PDE1A: variants seen among roughly 807,000 people sequenced by gnomAD.
The protein encoded by PDE1A is dual specificity calcium/calmodulin-dependent 3',5'-cyclic nucleotide phosphodiesterase 1A.
A neutral mutation model predicts 61.7 loss-of-function variants in PDE1A; 35 were observed. The ratio of observed to expected loss-of-function variants is 0.57; its 90% CI spans 0.43 to 0.75. The LOEUF (loss-of-function observed/expected upper bound fraction) is 0.75. Ranked by LOEUF, PDE1A falls within the 30% of genes least tolerant of loss-of-function variation. PDE1A has a pLI of 0.00. For synonymous variants in PDE1A, 232 were observed against 213.2 expected (o/e 1.09, Z -0.77); for missense variants, 597 against 630.6 (o/e 0.95, Z 0.57).
intron 1 of PDE1A, among the ~76,000 whole-genome samples, chr2:182,346,422 G>T (rs755260910): frequency 3.3e-4 from 50 of 152,150 alleles, no homozygotes; most frequent in Admixed American, 2.0e-3. Context: ...AGATCAGGGA[G>T]GGTAAGTTGG....
intron 2 of PDE1A, among the ~76,000 whole-genome samples, chr2:182,442,590 T>C (rs1559467639): frequency 6.6e-6 from 1 of 152,062 alleles, no homozygotes; most frequent in Non-Finnish European, 1.5e-5. Flanking sequence ...ATTCATATAA[T>C]AAACAATATT....
intron 1 of PDE1A, among the ~76,000 whole-genome samples, chr2:182,306,827 T>C (rs1695618831): frequency 6.6e-6 from 1 of 152,178 alleles, no homozygotes; most frequent in Non-Finnish European, 1.5e-5. Context: ...CTTAAATGTA[T>C]GACCCGAAAC....
chr2:182,243,534 G>A (rs1165307281), intron 2 of PDE1A, among the ~76,000 whole-genome samples: 4 of 152,140 alleles, frequency 2.6e-5, no homozygotes, highest in Non-Finnish European at 5.9e-5. Flanking sequence ...AGTGACCCAA[G>A]TTGGGAGGCA....
At chr2:182,509,056 T>C (rs1012965937) in intron 2 of PDE1A, among the ~76,000 whole-genome samples, 3 of 151,214 alleles carry the variant, frequency 2.0e-5, no homozygotes, top group Admixed American at 6.6e-5. Flanking sequence ...TGAGAATATG[T>C]GGTGTTAGAA....
chr2:182,695,249 G>A, the PDE1A span, among the ~76,000 whole-genome samples: 1 of 152,052 alleles, frequency 6.6e-6, no homozygotes, highest in Non-Finnish European at 1.5e-5. Context: ...ATTCATAAGA[G>A]AAGAGAGGTC....
chr2:182,225,981 T>C (rs562989714), intron 6 of PDE1A, among the ~76,000 whole-genome samples: 4 of 149,696 alleles, frequency 2.7e-5, no homozygotes, highest in Non-Finnish European at 5.9e-5. Flanking sequence ...TGAATTGGGA[T>C]TGAGCCTCCA....
intron 2 of PDE1A, among the ~76,000 whole-genome samples, chr2:182,496,669 A>G (rs1055329253): frequency 1.3e-5 from 2 of 152,244 alleles, no homozygotes; most frequent in Non-Finnish European, 2.9e-5. Flanking sequence ...TGGCTGACAA[A>G]CAAGGTCATG....
chr2:182,316,960 C>T lies in PDE1A; in HGVS notation c.54-52546G>A, dbSNP rs879103062. Reference sequence around the variant, plus strand: ...CCTTTTGTAAGACTTTAAGGACAATCGTATTTTCATTGTTCTTCCTCTGAC... The same window carrying T: ...CCTTTTGTAAGACTTTAAGGACAATTGTATTTTCATTGTTCTTCCTCTGAC... On this transcript the variant is annotated intron_variant, in intron 1 of 13. Coordinates refer to ENST00000351439, the Ensembl canonical transcript of PDE1A. Among the ~76,000 whole-genome samples the T allele has an allele frequency of 6.6e-5, 10 of 152,058 alleles. No individual in the cohort carries two copies. The East Asian group carries it at 1.2e-3, about 18-fold the overall frequency.
At chr2:182,419,822 T>G (rs920225311) in intron 1 of PDE1A, among the ~76,000 whole-genome samples, 9 of 152,124 alleles carry the variant, frequency 5.9e-5, no homozygotes, top group Non-Finnish European at 1.3e-4. Flanking sequence ...ACTTCACATA[T>G]TTACAATACC....
chr2:182,328,378 A>C (rs533152123), intron 1 of PDE1A, among the ~76,000 whole-genome samples: 1 of 152,234 alleles, frequency 6.6e-6, no homozygotes, highest in Non-Finnish European at 1.5e-5. Flanking sequence ...TGCCAGAAGA[A>C]TAACATAGAA....
At chr2:182,199,049 C>T (rs1276213254) in intron 10 of PDE1A, among the ~76,000 whole-genome samples, 1 of 151,922 alleles carries the variant, frequency 6.6e-6, no homozygotes, top group Non-Finnish European at 1.5e-5. Flanking sequence ...ATTCAGACTA[C>T]ATGATTTTTT....
chr2:182,162,156 C>G lies in PDE1A; in HGVS notation c.1517-15004G>C, dbSNP rs145725451. Among the ~76,000 whole-genome samples, 123 of 152,270 alleles carry G rather than the reference C, an allele frequency of 8.1e-4. 1 individual carries two copies. The highest frequency in any genetic ancestry group is 2.7e-3 in the African/African-American group (114 of 41,570). On this transcript the variant is annotated intron_variant, in intron 13 of 13. Coordinates refer to the PDE1A transcript ENST00000409365. ...ATCCTTAAAGATCTCTGTGATTGCT[C>G]TTCTCTGCATTCCAGAACTTATAGT...
intron 1 of PDE1A, among the ~76,000 whole-genome samples, chr2:182,361,962 C>T (rs1185733874): frequency 1.3e-5 from 2 of 152,020 alleles, no homozygotes; most frequent in African/African-American, 4.8e-5. Context: ...ACAGTTTCAA[C>T]TGCAGGTCAG....
chr2:182,577,916 TCGAAAGAAAGAAAA>T, the PDE1A span, among the ~76,000 whole-genome samples: 1 of 108,230 alleles, frequency 9.2e-6, no homozygotes, highest in African/African-American at 3.9e-5. Context: ...CAAGACTTTG[TCGAAAGAAAGAAAA>T]CGGAAGGAAG....
At chr2:182,404,416 T>TAC (rs1445848349) in intron 1 of PDE1A, among the ~76,000 whole-genome samples, 1 of 152,242 alleles carries the variant, frequency 6.6e-6, no homozygotes, top group African/African-American at 2.4e-5. Context: ...ATAAACCCTG[T>TAC]ACACTTAGGC....
At chr2:182,280,384 C>G (rs962987231) in intron 1 of PDE1A, among the ~76,000 whole-genome samples, 3 of 151,858 alleles carry the variant, frequency 2.0e-5, no homozygotes, top group African/African-American at 7.2e-5. Flanking sequence ...GTTGGATTCC[C>G]TGTTTCTGGA....
chr2:182,622,492 A>G, the PDE1A span, among the ~76,000 whole-genome samples: 2 of 152,242 alleles, frequency 1.3e-5, no homozygotes, highest in African/African-American at 4.8e-5. Flanking sequence ...TAGCAAGCCA[A>G]GTAGTCTTTT....
chr2:182,616,901 T>G, the PDE1A span, among the ~76,000 whole-genome samples: 93 of 152,336 alleles, frequency 6.1e-4, no homozygotes, highest in African/African-American at 2.1e-3. Context: ...TCAGTGGAAG[T>G]CTTTGATTCA....
At chr2:182,710,004 C>G in the PDE1A span, among the ~76,000 whole-genome samples, 4 of 152,168 alleles carry the variant, frequency 2.6e-5, no homozygotes, top group African/African-American at 9.7e-5. Context: ...TCAAGTGATT[C>G]TCCTGCCTCA....
Sources: allele counts gnomAD v4.1 joint callset (sites outside exome capture counted in the v4.1 genomes callset), GRCh38; gene constraint gnomAD v4.1.1; transcripts MANE v1.5; gene names NCBI Gene and HGNC (gene_info 2026-07-23, HGNC 2026-07-21).